The following HS3ST2 variants were observed in gnomAD, a reference collection of about 807,000 sequenced individuals.
HS3ST2 encodes the protein heparan sulfate glucosamine 3-O-sulfotransferase 2.
Under a neutral mutation model 26.3 loss-of-function variants are expected in HS3ST2, and 17 were observed. That is an observed-to-expected ratio of 0.65 (90% CI 0.44 to 0.97). The LOEUF is 0.97. Ranked by LOEUF, HS3ST2 falls within the 50% of genes least tolerant of loss-of-function variation. The pLI is 0.00. For synonymous variants in HS3ST2, 237 were observed against 219.2 expected (o/e 1.08, Z -0.72); for missense variants, 402 against 501.2 (o/e 0.80, Z 1.89).
chr16:22,850,823 CACAACA>C (rs890886853), intron 1 of HS3ST2, among the ~76,000 whole-genome samples: 1 of 152,066 alleles, frequency 6.6e-6, no homozygotes, highest in Non-Finnish European at 1.5e-5. Context: ...ACACCAAAAA[CACAACA>C]ACAACAAAAA....
intron 1 of HS3ST2, among the ~76,000 whole-genome samples, chr16:22,856,408 T>C (rs949535857): frequency 3.3e-5 from 5 of 152,202 alleles, no homozygotes; most frequent in African/African-American, 1.2e-4. Flanking sequence ...TTCCTTTCCC[T>C]GAGCTGCCAG....
Position 22,915,171 on chromosome 16 carries a change from T to C in HS3ST2, c.713T>C (p.Leu238Pro). 6.2e-7 allele frequency: 1 copy of C among 1,614,152 alleles called. No homozygotes were observed. Among genetic ancestry groups the C allele is most frequent in the Non-Finnish European group, 8.5e-7 (1 of 1,180,034 alleles). Residue 238 changes from leucine (L) to proline (P), a missense_variant, in exon 2 of 2, where the codon CTG becomes CCG. Physicochemically the swap from Leu to Pro is moderately conservative, Grantham distance 98. Transcript: ENST00000261374. ...GGCCTCTCCTTCCGCAACCGCACCC[T>C]GGGCCTGGTGGACGTGTCATGGAAC... ...FEGLSFRNRT[L>P]GLVDVSWNAI...
intron 1 of HS3ST2, among the ~76,000 whole-genome samples, chr16:22,840,431 G>A (rs896809562): frequency 6.6e-6 from 1 of 151,736 alleles, no homozygotes; most frequent in Non-Finnish European, 1.5e-5. Flanking sequence ...CACCCAGGCT[G>A]GAGTTAAGTG....
intron 1 of HS3ST2, among the ~76,000 whole-genome samples, chr16:22,824,724 G>C (rs1038739603): frequency 6.6e-6 from 1 of 152,198 alleles, no homozygotes; most frequent in Admixed American, 6.5e-5. Context: ...TGCAGAAAAT[G>C]GTCCCTGGAA....
At chr16:22,910,532 T>C (rs934823335) in intron 1 of HS3ST2, among the ~76,000 whole-genome samples, 1 of 152,238 alleles carries the variant, frequency 6.6e-6, no homozygotes, top group African/African-American at 2.4e-5. Flanking sequence ...GCCCTTGTGA[T>C]TGTTTGCACA....
At chr16:22,861,977 G>T (rs898982983) in intron 1 of HS3ST2, among the ~76,000 whole-genome samples, 2 of 152,140 alleles carry the variant, frequency 1.3e-5, no homozygotes, top group African/African-American at 2.4e-5. Flanking sequence ...GCCCCATCCT[G>T]TTTATGTTTT....
intron 1 of HS3ST2, among the ~76,000 whole-genome samples, chr16:22,833,726 G>T (rs1901209335): frequency 6.6e-6 from 1 of 152,090 alleles, no homozygotes; most frequent in African/African-American, 2.4e-5. Context: ...ACTACATATT[G>T]AGGTGTGTGG....
At chr16:22,819,130 T>C (rs142601367) in intron 1 of HS3ST2, among the ~76,000 whole-genome samples, 1 of 22,486 alleles carries the variant, frequency 4.4e-5, no homozygotes, top group African/African-American at 2.7e-4. Flanking sequence ...CTTCCTTCCT[T>C]CATTCCTTCC....
At chr16:22,861,896 A>G (rs1901679582) in intron 1 of HS3ST2, among the ~76,000 whole-genome samples, 1 of 152,274 alleles carries the variant, frequency 6.6e-6, no homozygotes, top group Middle Eastern at 3.4e-3. Context: ...CCCCAGTCTC[A>G]GCCTCCTCTC....
intron 1 of HS3ST2, among the ~76,000 whole-genome samples, chr16:22,828,943 C>A (rs1901129801): frequency 6.6e-6 from 1 of 152,192 alleles, no homozygotes; most frequent in South Asian, 2.1e-4. Context: ...TTCAATTGTT[C>A]TTTCCTGCCT....
In HS3ST2 at chr16:22,826,772, A is replaced by G. The variant is rs76898806; in HGVS notation, c.485+11677A>G. Among the ~76,000 whole-genome samples, 580 of 152,334 alleles carry G rather than the reference A, an allele frequency of 3.8e-3. 2 individuals are homozygous for G. The highest frequency in any genetic ancestry group is 0.024 in the Middle Eastern group (7 of 294). ...TTGCCACACCTGGTTCTGAAAGAAT[A>G]TGGAATGTAGATGCAGGTGACTCAG... is the stretch of plus-strand genomic sequence containing the variant. On this transcript the variant is annotated intron_variant, in intron 1 of 1. Coordinates refer to ENST00000261374, the MANE Select transcript of HS3ST2 (RefSeq NM_006043.2).
chr16:22,887,787 A>G (rs560165314), intron 1 of HS3ST2, among the ~76,000 whole-genome samples: 361 of 24,182 alleles, frequency 0.015, 3 homozygotes, highest in African/African-American at 0.074. Context: ...TCTCTACGGG[A>G]AAAAAAAAAA....
At chr16:22,906,513 C>T in intron 1 of HS3ST2, among the ~76,000 whole-genome samples, 1 of 152,210 alleles carries the variant, frequency 6.6e-6, no homozygotes, top group Non-Finnish European at 1.5e-5. Context: ...AGCTTAACTT[C>T]ACCACCCCTT....
At chr16:22,909,585 G>A (rs1406148881) in intron 1 of HS3ST2, among the ~76,000 whole-genome samples, 1 of 152,148 alleles carries the variant, frequency 6.6e-6, no homozygotes, top group African/African-American at 2.4e-5. Context: ...ATGACCCAAG[G>A]AGAAATAAAT....
At chr16:22,860,235 A>G (rs1901655848) in intron 1 of HS3ST2, among the ~76,000 whole-genome samples, 1 of 152,156 alleles carries the variant, frequency 6.6e-6, no homozygotes, top group African/African-American at 2.4e-5. Flanking sequence ...GAAGACAAAG[A>G]GCAAAGGGAC....
At chr16:22,880,332 G>C (rs1160622841) in intron 1 of HS3ST2, among the ~76,000 whole-genome samples, 3 of 152,072 alleles carry the variant, frequency 2.0e-5, no homozygotes, top group Admixed American at 6.5e-5. Flanking sequence ...TGGGAGGATC[G>C]CTTCAACCTG....
In HS3ST2 at chr16:22,915,379, G is replaced by T; in HGVS notation, c.921G>T (p.Lys307Asn). Reference protein sequence around the residue: ...FITDKHFYFNKTKGFPCLKKT... With the variant: ...FITDKHFYFNNTKGFPCLKKT... ...CGGACAAGCACTTCTATTTCAACAA[G>T]ACCAAAGGATTCCCTTGCTTGAAAA... The change falls in exon 2 of 2, where the codon AAG (lysine) becomes AAT (asparagine). Residue 307 changes from lysine to asparagine, a missense_variant. Transcript: ENST00000261374. 2 of 1,613,646 alleles carry T rather than the reference G, an allele frequency of 1.2e-6. No individual in the cohort carries two copies.
chr16:22,837,740 A>G (rs62048140), intron 1 of HS3ST2, among the ~76,000 whole-genome samples: 2,896 of 151,788 alleles, frequency 0.019, 40 homozygotes, highest in Non-Finnish European at 0.032. Flanking sequence ...TTGTTAAGAG[A>G]TTAACAACTA....
chr16:22,824,804 T>C (rs462184), intron 1 of HS3ST2, among the ~76,000 whole-genome samples: 18,305 of 152,154 alleles, frequency 0.12, 1,424 homozygotes, highest in East Asian at 0.22. Context: ...TTGCCTTTAA[T>C]AGGGCTGATG....
Sources: gnomAD v4.1 joint callset for allele counts (sites outside exome capture counted in the v4.1 genomes callset) on GRCh38, gnomAD v4.1.1 for gene constraint, MANE v1.5 for transcripts, NCBI Gene and HGNC (gene_info 2026-07-23, HGNC 2026-07-21) for gene names.